The following KBTBD3 variants were observed in gnomAD, a reference collection of about 807,000 sequenced individuals.
KBTBD3 encodes kelch repeat and BTB domain containing 3.
A neutral mutation model predicts 49.6 loss-of-function variants in KBTBD3; 38 were observed. The observed-to-expected ratio is 0.77, with a 90% CI of 0.59 to 1.00. The LOEUF is 1.00. Ranked by LOEUF, KBTBD3 falls within the 50% of genes least tolerant of loss-of-function variation. The pLI, the probability that KBTBD3 is intolerant of heterozygous loss-of-function variation, is 0.00. For synonymous variants in KBTBD3, 214 were observed against 250.4 expected, an observed-to-expected ratio of 0.85 and a Z score of 1.37; for missense variants, 661 against 712.0, an observed-to-expected ratio of 0.93 and a Z score of 0.81.
chr11:106,065,130 C>T (rs1333617987), intron 2 of KBTBD3, among the ~76,000 whole-genome samples: 3 of 152,158 alleles, frequency 2.0e-5, no homozygotes, highest in African/African-American at 4.8e-5. Flanking sequence ...GGGGTAGATA[C>T]TGAATATTTT....
intron 2 of KBTBD3, among the ~76,000 whole-genome samples, chr11:106,061,010 T>C (rs1354259797): frequency 1.3e-5 from 2 of 152,094 alleles, no homozygotes; most frequent in African/African-American, 4.8e-5. Context: ...AAGAAGGATA[T>C]GACACTTCTC....
chr11:106,054,148 A>G lies in KBTBD3; in HGVS notation c.541T>C (p.Phe181Leu), dbSNP rs1453345779. Residue 181 changes from phenylalanine (F) to leucine (L), a missense_variant, in exon 4 of 4, where the codon TTT (phenylalanine) becomes CTT (leucine). Phe to Leu is a conservative substitution (Grantham distance 22). Transcript: ENST00000531837. ...TCACTGGATTTAAATAATAAAGAAA[A>G]GTGATGTTGTACAAAGTGTAATGCA... ...DHALHFVQHH[F>L]SLLFKSSDFL... 1.2e-6 allele frequency: 2 copies of G among 1,613,116 alleles called. No individual in the cohort carries two copies. The highest frequency in any genetic ancestry group is 1.7e-6 in the Non-Finnish European group (2 of 1,179,438).
intron 3 of KBTBD3, among the ~76,000 whole-genome samples, chr11:106,058,400 A>T (rs965704456): frequency 1.0e-4 from 15 of 150,100 alleles, no homozygotes; most frequent in Non-Finnish European, 1.9e-4. Flanking sequence ...AAAAATCATT[A>T]GTTAATCTTG....
At chr11:106,070,587 G>T (rs1486805577) in intron 2 of KBTBD3, among the ~76,000 whole-genome samples, 2 of 151,944 alleles carry the variant, frequency 1.3e-5, no homozygotes, top group African/African-American at 4.8e-5. Context: ...AAAATATAAT[G>T]ACAACACCAA....
chr11:106,072,041 C>T (rs757430728), intron 2 of KBTBD3, among the ~76,000 whole-genome samples: 2 of 152,100 alleles, frequency 1.3e-5, no homozygotes, highest in Non-Finnish European at 2.9e-5. Flanking sequence ...TCACACTTAT[C>T]TGAAACTGAC....
intron 3 of KBTBD3, among the ~76,000 whole-genome samples, chr11:106,056,408 T>C (rs1860553392): frequency 6.6e-6 from 1 of 152,162 alleles, no homozygotes; most frequent in Non-Finnish European, 1.5e-5. Context: ...GCAAAAATTA[T>C]ATGTAAATTG....
intron 2 of KBTBD3, chr11:106,075,960 CT>C (rs1405936268): frequency 6.6e-6 from 1 of 152,182 alleles, no homozygotes; most frequent in Admixed American, 6.5e-5. Flanking sequence ...AACAAATTCT[CT>C]TTCTGAGCTC....
rs1214271824 is a variant in KBTBD3, at chr11:106,053,078, A to T, written c.1611T>A (p.Phe537Leu). Residue 537 changes from phenylalanine (F) to leucine (L), a missense_variant, in exon 4 of 4, where the codon TTT becomes TTA. Coordinates refer to ENST00000531837, the MANE Select transcript of KBTBD3 (RefSeq NM_198439.3). The part of the protein sequence containing the change: ...DTCVWKGEGS[F>L]ECAGFNAGAI... The stretch of plus-strand genomic sequence containing the variant: ...CACCTGCATTAAAGCCTGCACACTC[A>T]AAAGATCCTTCGCCTTTCCAAACAC... 5.0e-6 allele frequency: 8 copies of T among 1,613,650 alleles called. No individual in the cohort carries two copies. In the South Asian group the frequency reaches 7.7e-5, roughly 16 times the overall value.
At chr11:106,069,539 C>G (rs78561580) in intron 2 of KBTBD3, among the ~76,000 whole-genome samples, 13 of 149,600 alleles carry the variant, frequency 8.7e-5, no homozygotes, top group Admixed American at 6.7e-5. Context: ...GAAATACTTA[C>G]GTATAAATCT....
At position 106,053,983 on chromosome 11, in the gene KBTBD3, G is replaced by A. The variant is rs766138954; in HGVS notation, c.706C>T (p.His236Tyr). The change falls in exon 4 of 4, where the codon CAT (histidine) becomes TAT (tyrosine). Residue 236 changes from histidine to tyrosine, a missense_variant. Physicochemically the swap from His to Tyr is moderately conservative, Grantham distance 83. Transcript: ENST00000531837. ...NLESRQKYLP[H>Y]LIEKVRLHQL... is the part of the protein sequence containing the mutation. Reference sequence around the variant, plus strand: ...TGTAATCTCACTTTTTCAATCAAATGAGGCAGATACTTTTGCCTTGATTCT... The same window carrying A: ...TGTAATCTCACTTTTTCAATCAAATAAGGCAGATACTTTTGCCTTGATTCT... 2 of 1,613,814 alleles carry A rather than the reference G, an allele frequency of 1.2e-6. No individual in the cohort carries two copies. The highest frequency in any genetic ancestry group is 1.1e-5 in the South Asian group (1 of 91,076).
At chr11:106,063,776 C>T (rs1008648308) in intron 2 of KBTBD3, among the ~76,000 whole-genome samples, 1 of 151,926 alleles carries the variant, frequency 6.6e-6, no homozygotes, top group Non-Finnish European at 1.5e-5. Context: ...AATAAAAATG[C>T]AAAATTTAGC....
At position 106,053,646 on chromosome 11, in the gene KBTBD3, C is replaced by T; in HGVS notation, c.1043G>A (p.Gly348Asp). 1 of 1,613,852 alleles carries T rather than the reference C, an allele frequency of 6.2e-7. No individual in the cohort carries two copies. Among genetic ancestry groups the T allele is most frequent in the South Asian group, 1.1e-5 (1 of 91,088 alleles). ...TCGACAACATTTCCCTTTGCAACCA[C>T]CTGTCAAGAATATTTTCTCTCCGTA... ...SSYGEKIFLT[G>D]GCKGKCCRTV... The change falls in exon 4 of 4, where the codon GGT (glycine) becomes GAT (aspartate). Residue 348 changes from glycine (G) to aspartate (D), a missense_variant. Coordinates refer to ENST00000531837, the MANE Select transcript of KBTBD3 (RefSeq NM_198439.3).
Position 106,052,773 on chromosome 11 carries a change from T to C in KBTBD3, c.*77A>G, listed in dbSNP as rs1270679795. ...GCAGGAATGTTTTATTTCATTAAGA[T>C]GTATAGATCTTTTTACCTATCATTT... On this transcript the variant is annotated 3_prime_UTR_variant, in exon 4 of 4. Coordinates refer to ENST00000531837, the MANE Select transcript of KBTBD3 (RefSeq NM_198439.3). 2.8e-6 allele frequency: 3 copies of C among 1,080,994 alleles called. No homozygotes were observed. Among genetic ancestry groups the C allele is most frequent in the Admixed American group, 2.3e-5 (1 of 43,920 alleles). 67.0% of individuals were successfully genotyped at this position (1,080,994 alleles called of 1,614,324 possible).
chr11:106,060,545 G>C (rs1591535552), intron 2 of KBTBD3, among the ~76,000 whole-genome samples: 1 of 152,150 alleles, frequency 6.6e-6, no homozygotes, highest in South Asian at 2.1e-4. Context: ...ATGGGGAAAG[G>C]ATTCCCTATA....
chr11:106,054,345 G>A lies in KBTBD3; in HGVS notation c.344C>T (p.Thr115Ile). 1 of 1,613,064 alleles carries A rather than the reference G, an allele frequency of 6.2e-7. No homozygotes were observed. The highest frequency in any genetic ancestry group is 8.5e-7 in the Non-Finnish European group (1 of 1,179,528). The change falls in exon 4 of 4, where the codon ACA (threonine) becomes ATA (isoleucine). Residue 115 changes from threonine to isoleucine, a missense_variant. Physicochemically the swap from Thr to Ile is moderately conservative, Grantham distance 89. Transcript: ENST00000531837. ...TTCCACATTATCATCTGTTATTTTT[G>A]TTTTTCCAGTATAGGCATAATCGAG... is the stretch of plus-strand genomic sequence containing the variant. ...AFLDYAYTGK[T>I]KITDDNVEMF...
intron 2 of KBTBD3, among the ~76,000 whole-genome samples, chr11:106,073,951 GT>G (rs1164484645): frequency 6.6e-6 from 1 of 152,040 alleles, no homozygotes; most frequent in Admixed American, 6.6e-5. Flanking sequence ...TTGAAAGGAG[GT>G]AAGAGAAGTA....
At chr11:106,065,187 T>C (rs1860783017) in intron 2 of KBTBD3, among the ~76,000 whole-genome samples, 1 of 152,198 alleles carries the variant, frequency 6.6e-6, no homozygotes. Flanking sequence ...TTCGTATTTT[T>C]AGTAGAGACG....
chr11:106,062,179 G>A (rs1333755602), intron 2 of KBTBD3, among the ~76,000 whole-genome samples: 1 of 152,096 alleles, frequency 6.6e-6, no homozygotes, highest in African/African-American at 2.4e-5. Flanking sequence ...TATGAATAGG[G>A]AGACATATTA....
rs773047493 is a variant in KBTBD3 at position 106,053,432 on chromosome 11, T to C, written c.1257A>G (p.Lys419=). The C allele has an allele frequency of 1.9e-6, 3 of 1,613,614 alleles. No homozygotes were observed. The East Asian group carries it at 6.7e-5, about 36-fold the overall frequency. The change falls in exon 4 of 4, where the codon AAA becomes AAG. Residue 419 remains lysine (K), a synonymous_variant. Coordinates refer to ENST00000531837, the MANE Select transcript of KBTBD3 (RefSeq NM_198439.3). ...GGKTRGSRDI[K]SLLDVESYNP... is the part of the protein sequence containing the mutation. Reference sequence around the variant, plus strand: ...TGTAAGATTCAACATCTAAGAGACTTTTAATGTCCCGGGATCCTCTAGTTT... The same window carrying C: ...TGTAAGATTCAACATCTAAGAGACTCTTAATGTCCCGGGATCCTCTAGTTT...
Sources: gnomAD v4.1 joint callset for allele counts (sites outside exome capture counted in the v4.1 genomes callset) on GRCh38, gnomAD v4.1.1 for gene constraint, MANE v1.5 for transcripts, NCBI Gene and HGNC (gene_info 2026-07-23, HGNC 2026-07-21) for gene names.